Variants in CCDC148 observed in about 807,000 individuals in gnomAD.
The protein encoded by CCDC148 is coiled-coil domain-containing protein 148.
A neutral mutation model predicts 85.7 loss-of-function variants in CCDC148; 89 were observed. That is an observed-to-expected ratio of 1.04 (90% CI 0.87 to 1.24). CCDC148 has a LOEUF of 1.24. Ranked by LOEUF, CCDC148 falls within the 50% of genes most tolerant of loss-of-function variation. The pLI is 0.00. For synonymous variants in CCDC148, 230 were observed against 213.9 expected (o/e 1.08, Z -0.66); for missense variants, 692 against 671.7 (o/e 1.03, Z -0.33).
intron 10 of CCDC148, among the ~76,000 whole-genome samples, chr2:158,224,574 A>G (rs1687389073): frequency 6.6e-6 from 1 of 152,352 alleles, no homozygotes; most frequent in East Asian, 1.9e-4. Flanking sequence ...GTTACCCACA[A>G]AGGGAAGCCC....
intron 1 of CCDC148, among the ~76,000 whole-genome samples, chr2:158,431,347 C>G (rs771359561): frequency 1.3e-5 from 2 of 151,112 alleles, no homozygotes; most frequent in Non-Finnish European, 2.9e-5. Context: ...GTGATGGGGT[C>G]GAGAAGGGAG....
chr2:158,362,193 A>G (rs551949276), intron 1 of CCDC148, among the ~76,000 whole-genome samples: 1 of 152,274 alleles, frequency 6.6e-6, no homozygotes, highest in South Asian at 2.1e-4. Flanking sequence ...TTAGAGACCT[A>G]CAAAGAGACT....
chr2:158,440,919 A>G (rs1051376842), intron 1 of CCDC148, among the ~76,000 whole-genome samples: 2 of 152,114 alleles, frequency 1.3e-5, no homozygotes, highest in African/African-American at 4.8e-5. Flanking sequence ...AGTGGTGCAC[A>G]CCTGTAAGTA....
chr2:158,371,407 G>A (rs77920408), intron 1 of CCDC148, among the ~76,000 whole-genome samples: 26,880 of 151,934 alleles, frequency 0.18, 3,094 homozygotes, highest in Middle Eastern at 0.26. Flanking sequence ...GTAATAAACT[G>A]TATAGAAAAT....
intron 1 of CCDC148, among the ~76,000 whole-genome samples, chr2:158,429,707 A>C (rs1192297110): frequency 2.0e-5 from 3 of 152,238 alleles, no homozygotes; most frequent in African/African-American, 7.2e-5. Flanking sequence ...ATGGAGTATC[A>C]AAGACCAGGC....
intron 8 of CCDC148, 22 bp downstream of exon 8, chr2:158,313,734 T>G (rs763066214): frequency 6.3e-7 from 1 of 1,592,158 alleles, no homozygotes; most frequent in South Asian, 1.1e-5. Context: ...CTTGCCAGTA[T>G]GTAGGTAGGT....
At chr2:158,370,215 C>T (rs1404316914) in intron 1 of CCDC148, among the ~76,000 whole-genome samples, 1 of 152,024 alleles carries the variant, frequency 6.6e-6, no homozygotes, top group Admixed American at 6.6e-5. Flanking sequence ...ATACATGCAG[C>T]AAACCATACG....
At chr2:158,354,487 A>T (rs1362699800) in intron 2 of CCDC148, among the ~76,000 whole-genome samples, 1 of 151,956 alleles carries the variant, frequency 6.6e-6, no homozygotes, top group Non-Finnish European at 1.5e-5. Flanking sequence ...GAAGAAATGG[A>T]TAAATTCCTC....
At chr2:158,180,127 A>G (rs569205376) in intron 11 of CCDC148, among the ~76,000 whole-genome samples, 8 of 152,116 alleles carry the variant, frequency 5.3e-5, no homozygotes, top group Non-Finnish European at 1.2e-4. Flanking sequence ...TGAAAGATTT[A>G]GCTTTCTCTG....
At chr2:158,248,489 T>C (rs750410727) in intron 10 of CCDC148, among the ~76,000 whole-genome samples, 1 of 152,174 alleles carries the variant, frequency 6.6e-6, no homozygotes, top group Non-Finnish European at 1.5e-5. Context: ...TTGCTAGGGT[T>C]TGACCACAAC....
At chr2:158,345,435 T>C (rs1682949963) in intron 2 of CCDC148, 117 bp from the exon 3 acceptor site, 2 of 627,972 alleles carry the variant, frequency 3.2e-6, no homozygotes, top group South Asian at 2.3e-5. Context: ...AAAATTCTTA[T>C]TAGTGCATCT....
intron 10 of CCDC148, among the ~76,000 whole-genome samples, chr2:158,229,816 T>A (rs1004664597): frequency 6.6e-6 from 1 of 152,168 alleles, no homozygotes; most frequent in Admixed American, 6.6e-5. Flanking sequence ...GAATTAAACA[T>A]AATTTTATCC....
At chr2:158,376,177 G>GA (rs1406944368) in intron 1 of CCDC148, among the ~76,000 whole-genome samples, 2 of 152,024 alleles carry the variant, frequency 1.3e-5, no homozygotes, top group Admixed American at 1.3e-4. Context: ...ATAGTAGCAT[G>GA]AAAAAATTAC....
chr2:158,203,237 CT>C (rs1262960726), intron 11 of CCDC148, among the ~76,000 whole-genome samples: 4 of 152,150 alleles, frequency 2.6e-5, no homozygotes. Context: ...ACAGATCAAT[CT>C]CATGTTTATC....
chr2:158,254,726 A>G (rs1304248816), intron 9 of CCDC148, among the ~76,000 whole-genome samples: 3 of 151,602 alleles, frequency 2.0e-5, no homozygotes, highest in African/African-American at 7.2e-5. Context: ...TTAGGGTTTT[A>G]GAACTACTCT....
chr2:158,424,694 T>C (rs1168236286), intron 1 of CCDC148: 2 of 200,890 alleles, frequency 1.0e-5, no homozygotes, highest in East Asian at 3.0e-4. Flanking sequence ...TATGCACATG[T>C]ACCCTAGAAC....
At chr2:158,353,319 A>G (rs1221669849) in intron 2 of CCDC148, among the ~76,000 whole-genome samples, 1 of 146,948 alleles carries the variant, frequency 6.8e-6, no homozygotes, top group Non-Finnish European at 1.5e-5. Context: ...AGTGTGCTGT[A>G]TTCAGGAAAC....
chr2:158,415,770 A>C (rs1422323390), intron 1 of CCDC148, among the ~76,000 whole-genome samples: 1 of 152,182 alleles, frequency 6.6e-6, no homozygotes, highest in Non-Finnish European at 1.5e-5. Flanking sequence ...CTAAATCTTA[A>C]AGCTCTAAAA....
At chr2:158,381,884 T>C (rs1684884130) in intron 1 of CCDC148, among the ~76,000 whole-genome samples, 1 of 152,086 alleles carries the variant, frequency 6.6e-6, no homozygotes, top group South Asian at 2.1e-4. Context: ...ACTACTCAGA[T>C]ACTATGGTCT....
Sources: allele counts gnomAD v4.1 joint callset (sites outside exome capture counted in the v4.1 genomes callset), GRCh38; gene constraint gnomAD v4.1.1; transcripts MANE v1.5; gene names NCBI Gene and HGNC (gene_info 2026-07-23, HGNC 2026-07-21).